Variants in SOX5 observed in about 807,000 individuals in gnomAD.
The protein encoded by SOX5 is SRY-box transcription factor 5, also known as transcription factor SOX-5.
SOX5 carries 9 observed loss-of-function variants against 92.0 expected under a neutral mutation model. The observed-to-expected ratio is 0.10, with a 90% CI of 0.06 to 0.17. The LOEUF (loss-of-function observed/expected upper bound fraction) is 0.17. Ranked by LOEUF, SOX5 falls within the 10% of genes least tolerant of loss-of-function variation. The probability of loss-of-function intolerance (pLI) is 1.00; values close to 1 mark genes in which losing one functional copy is unlikely to be tolerated. For synonymous variants in SOX5, 344 were observed against 336.3 expected, an observed-to-expected ratio of 1.02 and a Z score of -0.25; for missense variants, 642 against 944.5, an observed-to-expected ratio of 0.68 and a Z score of 4.20.
chr12:24,542,837 C>G (rs1952265135), intron 1 of SOX5, among the ~76,000 whole-genome samples: 1 of 152,180 alleles, frequency 6.6e-6, no homozygotes, highest in South Asian at 2.1e-4. Context: ...AAATTCTGCA[C>G]TTAGATTGCT....
chr12:23,801,734 C>T (rs768386854), intron 3 of SOX5, among the ~76,000 whole-genome samples: 1 of 152,018 alleles, frequency 6.6e-6, no homozygotes, highest in Admixed American at 6.5e-5. Flanking sequence ...AATGTAATAG[C>T]GCTTGGATTT....
At chr12:23,732,384 C>A (rs986467396) in intron 6 of SOX5, among the ~76,000 whole-genome samples, 9 of 152,122 alleles carry the variant, frequency 5.9e-5, no homozygotes, top group African/African-American at 2.2e-4. Flanking sequence ...ACTTTCATAA[C>A]TATTAAGTGT....
rs1261571689 is a variant in SOX5 at position 23,640,868 on chromosome 12, T to C, written c.961A>G (p.Thr321Ala). The C allele has an allele frequency of 2.5e-6, 4 of 1,613,968 alleles. No homozygotes were observed. Among genetic ancestry groups the C allele is most frequent in the East Asian group, 2.2e-5 (1 of 44,880 alleles). The change falls in exon 8 of 15, where the codon ACT becomes GCT. Residue 321 changes from threonine (T) to alanine (A), a missense_variant. By Grantham distance (58) the Thr-to-Ala change is moderately conservative. Transcript: ENST00000451604. ...GCTGCGGCAGCAGCTGCCATGGTAG[T>C]TGGGATCAGCTGAACAGGGTAAGGG... The part of the protein sequence containing the change: ...SDPYPVQLIP[T>A]TMAAAAAATP...
intron 11 of SOX5, among the ~76,000 whole-genome samples, chr12:23,547,263 T>G (rs1943319499): frequency 6.6e-6 from 1 of 152,136 alleles, no homozygotes; most frequent in South Asian, 2.1e-4. Context: ...TTGATAACTT[T>G]CTCGTGAACT....
chr12:24,528,985 C>G (rs1022658443), intron 1 of SOX5, among the ~76,000 whole-genome samples: 1 of 152,320 alleles, frequency 6.6e-6, no homozygotes, highest in South Asian at 2.1e-4. Flanking sequence ...CATATATCAT[C>G]TCATTTATCC....
At chr12:24,027,312 ACT>A (rs1270819512) in intron 4 of SOX5, among the ~76,000 whole-genome samples, 5 of 151,810 alleles carry the variant, frequency 3.3e-5, no homozygotes, top group Admixed American at 3.3e-4. Flanking sequence ...TGCTCTCCTG[ACT>A]CTAGACTACC....
At chr12:24,348,211 T>A (rs1418330869) in intron 2 of SOX5, among the ~76,000 whole-genome samples, 1 of 151,970 alleles carries the variant, frequency 6.6e-6, no homozygotes, top group Non-Finnish European at 1.5e-5. Context: ...AAGTTTGCGA[T>A]CTCCTAAGAC....
At chr12:24,071,398 T>G (rs1269119570) in intron 4 of SOX5, among the ~76,000 whole-genome samples, 1 of 152,312 alleles carries the variant, frequency 6.6e-6, no homozygotes, top group East Asian at 1.9e-4. Flanking sequence ...TGCCCACATT[T>G]AAACAAGTGG....
intron 1 of SOX5, among the ~76,000 whole-genome samples, chr12:24,560,294 T>C (rs1451040150): frequency 2.0e-5 from 3 of 152,224 alleles, no homozygotes; most frequent in African/African-American, 7.2e-5. Context: ...AAACAACTCA[T>C]GTGATGAAAG....
chr12:23,760,633 C>G (rs1244529219), intron 3 of SOX5, among the ~76,000 whole-genome samples: 1 of 152,030 alleles, frequency 6.6e-6, no homozygotes. Context: ...ACTGTGCCAG[C>G]CATTGTTACA....
Position 23,642,806 on chromosome 12 carries a change from G to T in SOX5, c.932-1909C>A, listed in dbSNP as rs574225726. Among the ~76,000 whole-genome samples, 34 of 147,902 alleles carry T rather than the reference G, an allele frequency of 2.3e-4. 1 individual carries two copies. Among genetic ancestry groups the T allele is most frequent in the Non-Finnish European group, 4.3e-4 (28 of 65,428 alleles). ...GAAATCTGTATAAAAGGTAATTATG[G>T]GCCGGGCGCGGTGGCTCACGCCTGT... On this transcript the variant is annotated intron_variant, in intron 7 of 14. Coordinates refer to ENST00000451604, the MANE Select transcript of SOX5 (RefSeq NM_006940.6).
chr12:23,600,409 A>T (rs921672294), intron 9 of SOX5, among the ~76,000 whole-genome samples: 1 of 151,346 alleles, frequency 6.6e-6, no homozygotes, highest in African/African-American at 2.4e-5. Flanking sequence ...AGACAAGCGT[A>T]TGAGTATTTA....
At chr12:23,673,320 C>A (rs1055140663) in intron 6 of SOX5, among the ~76,000 whole-genome samples, 2 of 152,030 alleles carry the variant, frequency 1.3e-5, no homozygotes, top group African/African-American at 4.8e-5. Context: ...TTATACAATT[C>A]TACTTGTTTC....
intron 1 of SOX5, among the ~76,000 whole-genome samples, chr12:24,512,163 C>T (rs1949382809): frequency 6.6e-6 from 1 of 152,088 alleles, no homozygotes; most frequent in Admixed American, 6.5e-5. Context: ...AACATGTAGA[C>T]CTTCCTCTAT....
chr12:23,530,300 A>G lies in SOX5; in HGVS notation c.*3919T>C, dbSNP rs2135786658. The G allele has an allele frequency of 6.6e-6, 1 of 152,356 alleles. No homozygotes were observed. The highest frequency in any genetic ancestry group is 1.5e-5 in the Non-Finnish European group (1 of 68,032). 9.4% of individuals were successfully genotyped at this position (152,356 alleles called of 1,614,324 possible). A position where few individuals can be genotyped will look rare whatever the true frequency, so the allele number is the denominator to read the frequency against. On this transcript the variant is annotated 3_prime_UTR_variant, in exon 15 of 15. Coordinates refer to ENST00000451604, the MANE Select transcript of SOX5 (RefSeq NM_006940.6). ...AGTGTAATTATTTTTTATGTTTTAAATGTGATATAAGAGGTTTCTTCTGGG... is the reference window on the plus strand; with the variant it reads ...AGTGTAATTATTTTTTATGTTTTAAGTGTGATATAAGAGGTTTCTTCTGGG...
chr12:23,569,413 C>T (rs1947747745), intron 10 of SOX5, among the ~76,000 whole-genome samples: 1 of 152,040 alleles, frequency 6.6e-6, no homozygotes, highest in Admixed American at 6.5e-5. Flanking sequence ...TTTTTAAAAT[C>T]CTGAATATGT....
At chr12:23,685,633 C>T (rs1220036750) in intron 6 of SOX5, among the ~76,000 whole-genome samples, 1 of 145,352 alleles carries the variant, frequency 6.9e-6, no homozygotes, top group South Asian at 2.4e-4. Flanking sequence ...TTTTGTCCCC[C>T]CCCCCAAAAA....
intron 3 of SOX5, among the ~76,000 whole-genome samples, chr12:23,762,810 A>G (rs1210092343): frequency 1.3e-5 from 2 of 152,194 alleles, no homozygotes; most frequent in Non-Finnish European, 2.9e-5. Flanking sequence ...TGCCATAATC[A>G]ATATGGTATC....
chr12:24,027,330 C>T (rs565167043), intron 4 of SOX5, among the ~76,000 whole-genome samples: 5 of 152,114 alleles, frequency 3.3e-5, no homozygotes, highest in African/African-American at 9.6e-5. Context: ...CTACCATATT[C>T]TACTGCCTTT....
Sources: gnomAD v4.1 joint callset for allele counts (sites outside exome capture counted in the v4.1 genomes callset) on GRCh38, gnomAD v4.1.1 for gene constraint, MANE v1.5 for transcripts, NCBI Gene and HGNC (gene_info 2026-07-23, HGNC 2026-07-21) for gene names.